The following C12orf76 variants were observed in gnomAD, a reference collection of about 807,000 sequenced individuals.
C12orf76 encodes uncharacterized protein C12orf76.
C12orf76 carries 6 observed loss-of-function variants against 6.8 expected under a neutral mutation model. The ratio of observed to expected loss-of-function variants is 0.88; its 90% CI spans 0.48 to 1.73. The LOEUF (loss-of-function observed/expected upper bound fraction) is 1.73. Ranked by LOEUF, C12orf76 falls within the 40% of genes most tolerant of loss-of-function variation. The pLI is 0.01. For synonymous variants in C12orf76, 56 were observed against 43.7 expected (o/e 1.28, Z -1.11); for missense variants, 99 against 98.2 (o/e 1.01, Z -0.03).
In C12orf76 at chr12:110,042,438, C is replaced by A. The variant is rs755301642; in HGVS notation, c.155G>T (p.Ser52Ile). 13 of 1,613,820 alleles carry A rather than the reference C, an allele frequency of 8.1e-6. No homozygotes were observed. Among genetic ancestry groups the A allele is most frequent in the African/African-American group, 1.3e-5 (1 of 74,938 alleles). ...AAGGATGACAGTCACCAGCAGGATG[C>A]TGAAAATGGTTCCCATCAACACTGC... ...QNLVLMGTIF[S>I]ILLVTVILMA... The change falls in exon 2 of 2, where the codon AGC (serine) becomes ATC (isoleucine). Residue 52 changes from serine (S) to isoleucine (I), a missense_variant. Physicochemically the swap from Ser to Ile is moderately radical, Grantham distance 142. Coordinates refer to ENST00000615315, the MANE Select transcript of C12orf76 (RefSeq NM_001389625.1).
rs867515482 is a variant in C12orf76 at position 110,061,551 on chromosome 12, T to C, written n.381-2388A>G. Among the ~76,000 whole-genome samples, 143 of 151,564 alleles carry C rather than the reference T, an allele frequency of 9.4e-4. 1 individual carries two copies. The highest frequency in any genetic ancestry group is 3.4e-3 in the Middle Eastern group (1 of 292). ...CACTGCATACTTTTTTTTTTTTTTT[T>C]CTTGAAACGGAGTCTTACTCTGTCA... On this transcript the variant is annotated intron_variant and non_coding_transcript_variant, in intron 2 of 4. Coordinates refer to the C12orf76 transcript ENST00000309050.
chr12:110,067,912 T>C (rs1483878625), upstream of C12orf76, among the ~76,000 whole-genome samples: 2 of 151,938 alleles, frequency 1.3e-5, no homozygotes, highest in African/African-American at 4.8e-5. Context: ...TAGAGAGCTG[T>C]TCAAGAAGGA....
At chr12:110,068,318 A>AGAAGAG (rs1566080267), upstream of C12orf76, among the ~76,000 whole-genome samples, 4 of 142,588 alleles carry the variant, frequency 2.8e-5, no homozygotes, top group Non-Finnish European at 4.8e-5. Context: ...AAGAAGAAGA[A>AGAAGAG]GAAGAAGAAG....
At chr12:110,055,688 G>T (rs1211492972) in intron 4 of C12orf76, among the ~76,000 whole-genome samples, 1 of 152,268 alleles carries the variant, frequency 6.6e-6, no homozygotes, top group African/African-American at 2.4e-5. Context: ...AGCAATCAGG[G>T]AATGGAGTTT....
upstream of C12orf76, among the ~76,000 whole-genome samples, chr12:110,069,422 A>G (rs1892934750): frequency 6.6e-6 from 1 of 152,252 alleles, no homozygotes; most frequent in South Asian, 2.1e-4. Flanking sequence ...CCTGGGTGAC[A>G]CAGCGAGACT....
upstream of C12orf76, chr12:110,049,997 T>C (rs1305214996): frequency 6.6e-6 from 1 of 152,218 alleles, no homozygotes; most frequent in Non-Finnish European, 1.5e-5. Flanking sequence ...ACAGAAATTG[T>C]GCATTCGGGG....
intron 1 of C12orf76, among the ~76,000 whole-genome samples, chr12:110,046,292 G>T (rs1892447027): frequency 6.6e-6 from 1 of 152,284 alleles, no homozygotes; most frequent in South Asian, 2.1e-4. Context: ...TGGGCGTGGT[G>T]GCACACGCCT....
At chr12:110,068,482 T>C (rs1892921523), upstream of C12orf76, among the ~76,000 whole-genome samples, 3 of 152,184 alleles carry the variant, frequency 2.0e-5, no homozygotes, top group Admixed American at 2.0e-4. Context: ...CCTTTGAGGC[T>C]TTGTGGTTAA....
chr12:110,046,282 T>G (rs1263315850), intron 1 of C12orf76, among the ~76,000 whole-genome samples: 1 of 152,012 alleles, frequency 6.6e-6, no homozygotes, highest in Non-Finnish European at 1.5e-5. Flanking sequence ...AAAAATTACC[T>G]GGGCGTGGTG....
At chr12:110,066,024 C>T (rs2137238537) in exon 2 of C12orf76, 1 of 1,589,200 alleles carries the variant, frequency 6.3e-7, no homozygotes, top group Non-Finnish European at 8.6e-7. Flanking sequence ...CCCTCAAGCT[C>T]TCACATCACC....
chr12:110,063,183 G>T (rs986562568), intron 2 of C12orf76, among the ~76,000 whole-genome samples: 5 of 147,178 alleles, frequency 3.4e-5, no homozygotes, highest in African/African-American at 1.3e-4. Context: ...CAAGTGATCC[G>T]CCCGCCTCAG....
chr12:110,071,875 T>C (rs1310300555), upstream of C12orf76, among the ~76,000 whole-genome samples: 1 of 152,052 alleles, frequency 6.6e-6, no homozygotes, highest in Non-Finnish European at 1.5e-5. Context: ...TGTAAAAGGG[T>C]GCAGCTGCTG....
At chr12:110,064,251 T>C (rs1191377642) in intron 2 of C12orf76, among the ~76,000 whole-genome samples, 2 of 152,206 alleles carry the variant, frequency 1.3e-5, no homozygotes, top group Non-Finnish European at 2.9e-5. Flanking sequence ...TCCTTGTATA[T>C]GGAAGTGTTG....
chr12:110,042,063 C>A lies in C12orf76; in HGVS notation c.*311G>T. 1 of 392,698 alleles carries A rather than the reference C, an allele frequency of 2.5e-6. No individual in the cohort carries two copies. The highest frequency in any genetic ancestry group is 4.7e-6 in the Non-Finnish European group (1 of 212,334). 24.3% of individuals were successfully genotyped at this position (392,698 alleles called of 1,614,324 possible). A position where few individuals can be genotyped will look rare whatever the true frequency, so the allele number is the denominator to read the frequency against. The stretch of plus-strand genomic sequence containing the variant: ...ACAGTGTGGTTCTTACAGGCACTCA[C>A]AAGGTTACCATGTTTTCTTTCTCAT... On this transcript the variant is annotated 3_prime_UTR_variant, in exon 2 of 2. Coordinates refer to ENST00000615315, the MANE Select transcript of C12orf76 (RefSeq NM_001389625.1).
upstream of C12orf76, chr12:110,050,688 C>T (rs1254067039): frequency 4.6e-5 from 17 of 370,852 alleles, 1 homozygote; most frequent in Middle Eastern, 8.0e-4. Flanking sequence ...ATCCACCCCT[C>T]GTTTAGCGTA....
Position 110,042,328 on chromosome 12 carries a change from C to G in C12orf76, c.*46G>C. ...CTTCTCCACTGGCCTGTGTGCAACA[C>G]AACTTATCCTATTCCCAAATACTCA... On this transcript the variant is annotated 3_prime_UTR_variant, in exon 2 of 2. Transcript: ENST00000615315. The G allele has an allele frequency of 6.5e-7, 1 of 1,542,546 alleles. No homozygotes were observed. Among genetic ancestry groups the G allele is most frequent in the Non-Finnish European group, 9.0e-7 (1 of 1,115,630 alleles).
intron 1 of C12orf76, among the ~76,000 whole-genome samples, chr12:110,046,845 G>C (rs1452877404): frequency 6.6e-6 from 1 of 152,098 alleles, no homozygotes; most frequent in Non-Finnish European, 1.5e-5. Flanking sequence ...GGAGTAGGGG[G>C]TGCTACTGGT....
At chr12:110,063,434 C>A (rs1239639200) in intron 2 of C12orf76, among the ~76,000 whole-genome samples, 1 of 150,232 alleles carries the variant, frequency 6.7e-6, no homozygotes, top group Non-Finnish European at 1.5e-5. Context: ...AGGTGCCTAC[C>A]ACTACGCCTG....
chr12:110,068,301 GA>G (rs1892911240), upstream of C12orf76, among the ~76,000 whole-genome samples: 1 of 146,780 alleles, frequency 6.8e-6, no homozygotes, highest in South Asian at 2.2e-4. Context: ...AGAAGAAGAA[GA>G]AGAAGAAGAA....
Sources: allele counts gnomAD v4.1 joint callset (sites outside exome capture counted in the v4.1 genomes callset), GRCh38; gene constraint gnomAD v4.1.1; transcripts MANE v1.5; gene names NCBI Gene and HGNC (gene_info 2026-07-23, HGNC 2026-07-21).